The following ARHGAP24 variants were observed in gnomAD, a reference collection of about 807,000 sequenced individuals.
ARHGAP24 encodes rho GTPase-activating protein 24.
ARHGAP24 carries 50 observed loss-of-function variants against 76.4 expected under a neutral mutation model. That is an observed-to-expected ratio of 0.65 (90% CI 0.52 to 0.83). The LOEUF (loss-of-function observed/expected upper bound fraction) is 0.83, where lower values mean the gene tolerates loss of function less well. Among genes scored for constraint, ARHGAP24 ranks in the 40% least tolerant of loss-of-function variants. The probability of loss-of-function intolerance (pLI) is 0.00; values close to 1 mark genes in which losing one functional copy is unlikely to be tolerated. For missense variants in ARHGAP24, 930 were observed against 914.2 expected (o/e 1.02, Z -0.22); for synonymous variants, 345 against 323.3 (o/e 1.07, Z -0.72).
At chr4:85,989,189 T>C (rs933375032) in intron 8 of ARHGAP24, among the ~76,000 whole-genome samples, 1 of 151,590 alleles carries the variant, frequency 6.6e-6, no homozygotes, top group Non-Finnish European at 1.5e-5. Flanking sequence ...ACATTACCTA[T>C]ATCAGGTTTA....
intron 3 of ARHGAP24, among the ~76,000 whole-genome samples, chr4:85,849,258 T>C (rs1172029408): frequency 6.6e-6 from 1 of 150,390 alleles, no homozygotes; most frequent in Non-Finnish European, 1.5e-5. Flanking sequence ...TGTCTGTTGT[T>C]GGTGTATAAG....
At chr4:85,961,682 G>A (rs996128719) in intron 5 of ARHGAP24, among the ~76,000 whole-genome samples, 38 of 151,836 alleles carry the variant, frequency 2.5e-4, no homozygotes, top group African/African-American at 9.2e-4. Context: ...AATTATTTGC[G>A]ATGTTTGGCC....
In ARHGAP24 at chr4:85,732,987, C is replaced by T. The variant is rs181483152; in HGVS notation, c.268+11015C>T. Reference sequence around the variant, plus strand: ...TGCTGGAATTACAGGCGTGAGCCACCGCGCCCGACCTCAAACTTCTATATT... The same window carrying T: ...TGCTGGAATTACAGGCGTGAGCCACTGCGCCCGACCTCAAACTTCTATATT... On this transcript the variant is annotated intron_variant, in intron 3 of 9. Transcript: ENST00000395184. Among the ~76,000 whole-genome samples the T allele has an allele frequency of 2.0e-3, 299 of 149,442 alleles. 1 individual carries two copies. Among genetic ancestry groups the T allele is most frequent in the African/African-American group, 7.0e-3 (285 of 40,726 alleles).
At chr4:85,682,021 C>T (rs1025418002) in intron 2 of ARHGAP24, among the ~76,000 whole-genome samples, 3 of 129,972 alleles carry the variant, frequency 2.3e-5, no homozygotes, top group Non-Finnish European at 5.4e-5. Flanking sequence ...GACACTTGCC[C>T]GAGATCAGGA....
chr4:85,692,173 G>A (rs1285372611), intron 2 of ARHGAP24, among the ~76,000 whole-genome samples: 1 of 152,140 alleles, frequency 6.6e-6, no homozygotes, highest in Non-Finnish European at 1.5e-5. Context: ...CTTCTGGCTT[G>A]TAAAGTTTTT....
At chr4:85,538,232 G>C (rs1049303916) in intron 1 of ARHGAP24, among the ~76,000 whole-genome samples, 6 of 151,966 alleles carry the variant, frequency 3.9e-5, no homozygotes, top group African/African-American at 1.2e-4. Context: ...TTAATATCAG[G>C]GCTCAAGAAA....
chr4:85,846,995 C>A (rs1028993346), intron 3 of ARHGAP24, among the ~76,000 whole-genome samples: 1 of 152,104 alleles, frequency 6.6e-6, no homozygotes, highest in Non-Finnish European at 1.5e-5. Context: ...ATCTTGAGTG[C>A]CAACTGGTTC....
intron 1 of ARHGAP24, among the ~76,000 whole-genome samples, chr4:85,548,335 T>C (rs1408286370): frequency 6.6e-6 from 1 of 152,222 alleles, no homozygotes. Context: ...GCTACTGATA[T>C]GTTAATACTT....
chr4:85,993,396 A>C (rs1356929920), intron 8 of ARHGAP24, among the ~76,000 whole-genome samples: 4 of 152,198 alleles, frequency 2.6e-5, no homozygotes, highest in Non-Finnish European at 5.9e-5. Context: ...GTAGCAGTAG[A>C]TCTTGCTTAT....
chr4:85,844,588 GATTTGT>G (rs1730772226), intron 3 of ARHGAP24, among the ~76,000 whole-genome samples: 1 of 152,086 alleles, frequency 6.6e-6, no homozygotes. Context: ...AAATGATCGA[GATTTGT>G]ATTTGTATTT....
At chr4:85,710,797 A>G (rs1724499116) in intron 2 of ARHGAP24, among the ~76,000 whole-genome samples, 1 of 152,144 alleles carries the variant, frequency 6.6e-6, no homozygotes, top group African/African-American at 2.4e-5. Flanking sequence ...TGTTATTAAA[A>G]CGTCAAAAAA....
At chr4:85,584,025 T>A (rs1273849787) in intron 2 of ARHGAP24, among the ~76,000 whole-genome samples, 34 of 149,188 alleles carry the variant, frequency 2.3e-4, no homozygotes, top group Admixed American at 1.3e-3. Context: ...ATTGTGGAAG[T>A]CAGTGTGGCG....
intron 2 of ARHGAP24, among the ~76,000 whole-genome samples, chr4:85,578,273 G>A (rs932495840): frequency 4.6e-5 from 7 of 152,194 alleles, no homozygotes; most frequent in Non-Finnish European, 5.9e-5. Context: ...CATTCCATTA[G>A]CGTGTAAGTA....
chr4:85,604,580 TC>T (rs1720131020), intron 2 of ARHGAP24, among the ~76,000 whole-genome samples: 1 of 152,186 alleles, frequency 6.6e-6, no homozygotes, highest in Non-Finnish European at 1.5e-5. Flanking sequence ...ATGTATCGTC[TC>T]ACTTTAGAAT....
chr4:85,552,225 T>G (rs1462381476), intron 1 of ARHGAP24, among the ~76,000 whole-genome samples: 1 of 152,202 alleles, frequency 6.6e-6, no homozygotes, highest in Non-Finnish European at 1.5e-5. Flanking sequence ...TGTTGTATCT[T>G]TGTTCTCATT....
At chr4:85,751,326 T>C (rs1726257203) in intron 3 of ARHGAP24, among the ~76,000 whole-genome samples, 1 of 152,220 alleles carries the variant, frequency 6.6e-6, no homozygotes, top group Non-Finnish European at 1.5e-5. Flanking sequence ...AATAGGTATT[T>C]AGGCATTATG....
chr4:85,976,198 G>T (rs1444847795), intron 7 of ARHGAP24, among the ~76,000 whole-genome samples: 1 of 152,108 alleles, frequency 6.6e-6, no homozygotes, highest in Non-Finnish European at 1.5e-5. Context: ...TTTAATTTCC[G>T]GTAATTTAAA....
chr4:85,720,174 T>C (rs1293596393), intron 2 of ARHGAP24, among the ~76,000 whole-genome samples: 1 of 151,964 alleles, frequency 6.6e-6, no homozygotes, highest in Non-Finnish European at 1.5e-5. Context: ...AATGACAAGT[T>C]AATGGGTGCA....
At chr4:85,655,828 G>C (rs1264325454) in intron 2 of ARHGAP24, among the ~76,000 whole-genome samples, 1 of 100,826 alleles carries the variant, frequency 9.9e-6, no homozygotes, top group South Asian at 3.6e-4. Context: ...AAGAGAGAGA[G>C]AGAGAGAGAG....
Sources: gnomAD v4.1 joint callset for allele counts (sites outside exome capture counted in the v4.1 genomes callset) on GRCh38, gnomAD v4.1.1 for gene constraint, MANE v1.5 for transcripts, NCBI Gene and HGNC (gene_info 2026-07-23, HGNC 2026-07-21) for gene names.